The following BCAS1 variants were observed in gnomAD, a reference collection of about 807,000 sequenced individuals.
The protein encoded by BCAS1 is breast carcinoma-amplified sequence 1.
A neutral mutation model predicts 65.4 loss-of-function variants in BCAS1; 46 were observed. The ratio of observed to expected loss-of-function variants is 0.70; its 90% CI spans 0.55 to 0.90. BCAS1 has a LOEUF of 0.90. Ranked by LOEUF, BCAS1 falls within the 40% of genes least tolerant of loss-of-function variation. The pLI is 0.00. For synonymous variants in BCAS1, 298 were observed against 293.5 expected, an observed-to-expected ratio of 1.02 and a Z score of -0.16; for missense variants, 793 against 771.2, an observed-to-expected ratio of 1.03 and a Z score of -0.33.
At chr20:54,026,168 C>T (rs2091668668) in intron 4 of BCAS1, among the ~76,000 whole-genome samples, 4 of 151,390 alleles carry the variant, frequency 2.6e-5, no homozygotes, top group Admixed American at 2.6e-4. Context: ...AAGACAGTTA[C>T]AATTCTTGGG....
At chr20:53,989,625 C>G (rs1208105224) in intron 7 of BCAS1, among the ~76,000 whole-genome samples, 1 of 152,132 alleles carries the variant, frequency 6.6e-6, no homozygotes, top group Admixed American at 6.6e-5. Flanking sequence ...AGTCAGAACA[C>G]CATTAGTCTT....
At chr20:54,016,294 G>A (rs993671909) in intron 4 of BCAS1, among the ~76,000 whole-genome samples, 1 of 151,996 alleles carries the variant, frequency 6.6e-6, no homozygotes, top group Non-Finnish European at 1.5e-5. Context: ...ATAAAATATT[G>A]ATCATGTTCT....
rs187501968 is a variant in BCAS1, at chr20:54,050,502, G to A, written c.142+7583C>T. ...GTATTAATCCCAAGAGGGCGAAAAT[G>A]GTTCTATGGGAGAGGATGAACAAAA... On this transcript the variant is annotated intron_variant, in intron 3 of 12. Coordinates refer to ENST00000688948, the MANE Select transcript of BCAS1 (RefSeq NM_001366298.2). Among the ~76,000 whole-genome samples the A allele has an allele frequency of 5.9e-5, 9 of 152,292 alleles. No homozygotes were observed. In the East Asian group the frequency reaches 1.7e-3, roughly 29 times the overall value.
At chr20:54,011,134 A>T (rs1204964023) in intron 4 of BCAS1, among the ~76,000 whole-genome samples, 1 of 149,192 alleles carries the variant, frequency 6.7e-6, no homozygotes, top group Non-Finnish European at 1.5e-5. Context: ...CTTTTAGGAA[A>T]AAAATAAGAG....
At chr20:54,013,813 G>A (rs141155268) in intron 4 of BCAS1, among the ~76,000 whole-genome samples, 301 of 152,220 alleles carry the variant, frequency 2.0e-3, no homozygotes, top group African/African-American at 6.6e-3. Flanking sequence ...GAAAACAAGC[G>A]TGGAATAGAA....
chr20:53,971,612 T>C (rs565067960), intron 9 of BCAS1, among the ~76,000 whole-genome samples: 6 of 152,350 alleles, frequency 3.9e-5, no homozygotes, highest in African/African-American at 1.4e-4. Flanking sequence ...GTTGGAAAGC[T>C]GAGCATGTAG....
At chr20:54,056,468 G>A (rs1416825282) in intron 3 of BCAS1, among the ~76,000 whole-genome samples, 3 of 152,130 alleles carry the variant, frequency 2.0e-5, no homozygotes, top group Non-Finnish European at 4.4e-5. Flanking sequence ...GAGGGTGGGA[G>A]TGGAATGAGG....
chr20:54,029,005 G>A (rs745880176), intron 3 of BCAS1, 33 bp from the exon 4 acceptor site: 1 of 1,561,600 alleles, frequency 6.4e-7, no homozygotes, highest in Admixed American at 1.9e-5. Context: ...TGGTTATTCA[G>A]CCAAGCCGGG....
chr20:54,052,900 C>T (rs935682396), intron 3 of BCAS1, among the ~76,000 whole-genome samples: 2 of 152,292 alleles, frequency 1.3e-5, no homozygotes, highest in Admixed American at 1.3e-4. Context: ...ATTGGATTAT[C>T]CGTTCTTCTA....
intron 10 of BCAS1, among the ~76,000 whole-genome samples, chr20:53,962,503 C>T (rs537145392): frequency 6.6e-6 from 1 of 152,194 alleles, no homozygotes; most frequent in South Asian, 2.1e-4. Context: ...TTAATATTGA[C>T]GAAGTATAAA....
intron 10 of BCAS1, among the ~76,000 whole-genome samples, chr20:53,964,812 T>C (rs575930371): frequency 1.8e-4 from 27 of 151,812 alleles, no homozygotes; most frequent in African/African-American, 6.5e-4. Flanking sequence ...TTTTTTTTTT[T>C]CATGCTTTCT....
chr20:53,965,929 T>C (rs1184483057), intron 10 of BCAS1, among the ~76,000 whole-genome samples: 1 of 151,910 alleles, frequency 6.6e-6, no homozygotes, highest in African/African-American at 2.4e-5. Flanking sequence ...GATGCTGTTG[T>C]ATGCCAAAAT....
chr20:54,022,891 C>T (rs1344026804), intron 4 of BCAS1, among the ~76,000 whole-genome samples: 2 of 152,254 alleles, frequency 1.3e-5, no homozygotes, highest in African/African-American at 4.8e-5. Flanking sequence ...CCACTGCAAA[C>T]ATCTCATATT....
chr20:53,971,115 T>C (rs1431993496), intron 9 of BCAS1, among the ~76,000 whole-genome samples: 1 of 152,230 alleles, frequency 6.6e-6, no homozygotes, highest in African/African-American at 2.4e-5. Context: ...GCAAATTGTA[T>C]TATTTCTCCA....
chr20:53,978,290 C>T (rs1023313466), intron 8 of BCAS1, among the ~76,000 whole-genome samples: 1 of 152,010 alleles, frequency 6.6e-6, no homozygotes, highest in Non-Finnish European at 1.5e-5. Flanking sequence ...CCATGTACCA[C>T]CTCTATTCAG....
At chr20:53,949,578 A>C (rs2089447948) in intron 12 of BCAS1, among the ~76,000 whole-genome samples, 1 of 152,118 alleles carries the variant, frequency 6.6e-6, no homozygotes, top group African/African-American at 2.4e-5. Context: ...AACCCTGGGG[A>C]ATGTGTCCAG....
chr20:53,978,748 G>GATA (rs2090401286), intron 8 of BCAS1, among the ~76,000 whole-genome samples: 1 of 152,178 alleles, frequency 6.6e-6, no homozygotes, highest in African/African-American at 2.4e-5. Context: ...TTCAAAAATG[G>GATA]ATAATAAGAG....
intron 3 of BCAS1, among the ~76,000 whole-genome samples, chr20:54,031,662 T>G (rs748838300): frequency 6.6e-6 from 1 of 151,440 alleles, no homozygotes; most frequent in Non-Finnish European, 1.5e-5. Context: ...TACCCAATCA[T>G]GTCATTTAAA....
chr20:54,070,026 C>T (rs542567505), intron 1 of BCAS1, among the ~76,000 whole-genome samples: 1 of 152,300 alleles, frequency 6.6e-6, no homozygotes, highest in Admixed American at 6.5e-5. Flanking sequence ...TTAGGCAATG[C>T]CTGAGGTGAA....
Sources: allele counts gnomAD v4.1 joint callset (sites outside exome capture counted in the v4.1 genomes callset), GRCh38; gene constraint gnomAD v4.1.1; transcripts MANE v1.5; gene names NCBI Gene and HGNC (gene_info 2026-07-23, HGNC 2026-07-21).